The following STAU2 variants were observed in gnomAD, a reference collection of about 807,000 sequenced individuals.
The protein encoded by STAU2 is staufen double-stranded RNA binding protein 2.
Under a neutral mutation model 65.9 loss-of-function variants are expected in STAU2, and 20 were observed. The observed-to-expected ratio is 0.30, with a 90% CI of 0.21 to 0.44. STAU2 has a LOEUF of 0.44. STAU2 is among the 20% of genes least tolerant of loss of function. The pLI is 1.00. For missense variants in STAU2, 558 were observed against 683.9 expected (o/e 0.82, Z 2.05); for synonymous variants, 232 against 233.9 (o/e 0.99, Z 0.07).
At chr8:73,655,337 C>A (rs1330891445) in intron 6 of STAU2, among the ~76,000 whole-genome samples, 1 of 152,152 alleles carries the variant, frequency 6.6e-6, no homozygotes, top group Non-Finnish European at 1.5e-5. Flanking sequence ...AGCAAGCTGA[C>A]ATCCACCTTT....
In STAU2 at chr8:73,552,337, A is replaced by T; in HGVS notation, c.1223-18T>A. 1 of 1,599,158 alleles carries T rather than the reference A, an allele frequency of 6.3e-7. No individual in the cohort carries two copies. Among genetic ancestry groups the T allele is most frequent in the Non-Finnish European group, 8.5e-7 (1 of 1,172,040 alleles). ...TTTTGGAGCTATAAATAAAATGAAG[A>T]ACACTGTTATTACACTTAAAATAAC... On this transcript the variant is annotated intron_variant, in intron 12 of 14. Coordinates refer to ENST00000524300, the MANE Select transcript of STAU2 (RefSeq NM_001164380.2).
chr8:73,481,289 G>A (rs1016289117), intron 13 of STAU2, among the ~76,000 whole-genome samples: 1 of 151,772 alleles, frequency 6.6e-6, no homozygotes, highest in Non-Finnish European at 1.5e-5. Flanking sequence ...CACAGCCAGC[G>A]CAAAGCCAGA....
intron 13 of STAU2, among the ~76,000 whole-genome samples, chr8:73,520,664 T>C (rs1822993007): frequency 6.6e-6 from 1 of 152,178 alleles, no homozygotes; most frequent in Non-Finnish European, 1.5e-5. Context: ...ACAGATGTCT[T>C]TGCCCAGGAC....
intron 13 of STAU2, among the ~76,000 whole-genome samples, chr8:73,533,342 TA>T (rs1805951098): frequency 6.6e-6 from 1 of 152,212 alleles, no homozygotes; most frequent in South Asian, 2.1e-4. Context: ...ATCAATTAAA[TA>T]AGACGGCTTT....
chr8:73,437,581 G>A (rs943989252), intron 13 of STAU2, among the ~76,000 whole-genome samples: 2 of 152,222 alleles, frequency 1.3e-5, no homozygotes, highest in Non-Finnish European at 2.9e-5. Context: ...ACACATTGCT[G>A]TTGGTTTAAA....
At chr8:73,469,207 A>T (rs866234357) in intron 13 of STAU2, among the ~76,000 whole-genome samples, 3 of 152,164 alleles carry the variant, frequency 2.0e-5, no homozygotes, top group Admixed American at 6.5e-5. Context: ...TCACAAGGAC[A>T]AAAAATCAAA....
intron 13 of STAU2, among the ~76,000 whole-genome samples, chr8:73,501,502 C>T (rs56183100): frequency 0.51 from 77,788 of 151,662 alleles, 20,462 homozygotes; most frequent in Non-Finnish European, 0.57. Context: ...TGAAAGTATA[C>T]TAGTACATTT....
chr8:73,421,157 A>G lies in STAU2; in HGVS notation c.*215T>C. On this transcript the variant is annotated 3_prime_UTR_variant, in exon 15 of 15. Coordinates refer to ENST00000524300, the MANE Select transcript of STAU2 (RefSeq NM_001164380.2). ...GCTGCCTCTAGGCAAATGAGTTATG[A>G]TCTGATCTCGAGTTCCAAGGGAAAT... The G allele has an allele frequency of 2.0e-6, 1 of 506,992 alleles. No homozygotes were observed. Among genetic ancestry groups the G allele is most frequent in the Non-Finnish European group, 3.5e-6 (1 of 288,208 alleles). 31.4% of individuals were successfully genotyped at this position (506,992 alleles called of 1,614,324 possible). A position where few individuals can be genotyped will look rare whatever the true frequency, so the allele number is the denominator to read the frequency against.
chr8:73,524,351 G>A (rs1171481365), intron 13 of STAU2, among the ~76,000 whole-genome samples: 1 of 152,102 alleles, frequency 6.6e-6, no homozygotes. Flanking sequence ...AGCAGGCATG[G>A]TAGGGGGACG....
intron 13 of STAU2, among the ~76,000 whole-genome samples, chr8:73,497,330 C>A (rs1821474257): frequency 6.6e-6 from 1 of 151,672 alleles, no homozygotes; most frequent in Non-Finnish European, 1.5e-5. Flanking sequence ...TCCAAAATTA[C>A]TGCTATAGCA....
chr8:73,433,496 G>A (rs1380095182), intron 13 of STAU2, among the ~76,000 whole-genome samples: 5 of 135,476 alleles, frequency 3.7e-5, no homozygotes, highest in African/African-American at 1.2e-4. Flanking sequence ...GAGCCATCAC[G>A]CCCCGCCTTT....
intron 12 of STAU2, among the ~76,000 whole-genome samples, chr8:73,563,306 C>A (rs1351814894): frequency 6.6e-6 from 1 of 152,132 alleles, no homozygotes; most frequent in Non-Finnish European, 1.5e-5. Context: ...CCCCACCTAG[C>A]AGTAATAGGA....
At chr8:73,710,819 T>C (rs1361326471) in intron 3 of STAU2, among the ~76,000 whole-genome samples, 1 of 151,942 alleles carries the variant, frequency 6.6e-6, no homozygotes, top group Non-Finnish European at 1.5e-5. Context: ...TCACAATAAA[T>C]ACAGTTCAAT....
intron 3 of STAU2, 106 bp from the exon 4 acceptor site, chr8:73,709,268 T>A (rs1820725990): frequency 9.6e-7 from 1 of 1,036,972 alleles, no homozygotes; most frequent in African/African-American, 1.6e-5. Context: ...ATTATTTTCA[T>A]GAATTTTGTA....
intron 3 of STAU2, among the ~76,000 whole-genome samples, chr8:73,731,561 T>C (rs945596414): frequency 6.6e-6 from 1 of 152,204 alleles, no homozygotes; most frequent in African/African-American, 2.4e-5. Flanking sequence ...ATTGTTTATA[T>C]ATTTTATAAA....
At chr8:73,712,813 A>T (rs564103319) in intron 3 of STAU2, among the ~76,000 whole-genome samples, 1 of 152,192 alleles carries the variant, frequency 6.6e-6, no homozygotes, top group Non-Finnish European at 1.5e-5. Flanking sequence ...AATATTAGCC[A>T]TATGTCATGG....
At chr8:73,614,325 T>C (rs1312855729) in intron 8 of STAU2, among the ~76,000 whole-genome samples, 2 of 152,152 alleles carry the variant, frequency 1.3e-5, no homozygotes, top group Non-Finnish European at 2.9e-5. Context: ...TGTATATAAT[T>C]ACATACCTAA....
At chr8:73,609,516 T>A (rs905841414) in intron 9 of STAU2, among the ~76,000 whole-genome samples, 2 of 151,900 alleles carry the variant, frequency 1.3e-5, no homozygotes, top group Non-Finnish European at 2.9e-5. Context: ...TAGCTGAGCA[T>A]GGTGGTGTGC....
At chr8:73,421,985 G>C (rs1405312140) in intron 14 of STAU2, among the ~76,000 whole-genome samples, 2 of 146,216 alleles carry the variant, frequency 1.4e-5, no homozygotes, top group African/African-American at 2.5e-5. Flanking sequence ...TATAAATTGA[G>C]TCTCTGGAGA....
Sources: allele counts gnomAD v4.1 joint callset (sites outside exome capture counted in the v4.1 genomes callset), GRCh38; gene constraint gnomAD v4.1.1; transcripts MANE v1.5; gene names NCBI Gene and HGNC (gene_info 2026-07-23, HGNC 2026-07-21).